CCDC91: variants seen among roughly 807,000 people sequenced by gnomAD.
CCDC91 encodes the protein coiled-coil domain-containing protein 91.
Under a neutral mutation model 63.2 loss-of-function variants are expected in CCDC91, and 48 were observed. The observed-to-expected ratio is 0.76, with a 90% confidence interval of 0.60 to 0.97. The LOEUF is 0.97. Ranked by LOEUF, CCDC91 falls within the 50% of genes least tolerant of loss-of-function variation. CCDC91 has a pLI of 0.00. For synonymous variants in CCDC91, 167 were observed against 165.8 expected (o/e 1.01, Z -0.06); for missense variants, 500 against 494.6 (o/e 1.01, Z -0.10).
chr12:28,307,616 C>T (rs1219441505), intron 5 of CCDC91, 29 bp from the exon 6 acceptor site: 1 of 1,165,404 alleles, frequency 8.6e-7, no homozygotes, highest in South Asian at 1.4e-5. Flanking sequence ...TTAAATATTA[C>T]AAAGCTTGTA....
rs1225529552 is a variant in CCDC91, at chr12:28,391,809, T to C, written c.762+398T>C. 4.6e-5 allele frequency among the ~76,000 whole-genome samples: 7 copies of C among 152,328 alleles called. No homozygotes were observed. The South Asian group carries it at 1.4e-3, about 32-fold the overall frequency. On this transcript the variant is annotated intron_variant, in intron 8 of 12. Transcript: ENST00000536442. Reference sequence around the variant, plus strand: ...CATTCTGTACAGGCATTGGCTTCTATTTGAGTTTTTCTATTCAAATTTTTT... The same window carrying C: ...CATTCTGTACAGGCATTGGCTTCTACTTGAGTTTTTCTATTCAAATTTTTT...
Position 28,306,922 on chromosome 12 carries a change from G to A in CCDC91, c.448G>A (p.Glu150Lys), listed in dbSNP as rs982715481. 1 of 1,607,710 alleles carries A rather than the reference G, an allele frequency of 6.2e-7. No individual in the cohort carries two copies. Among genetic ancestry groups the A allele is most frequent in the South Asian group, 1.1e-5 (1 of 90,668 alleles). ...GGAGATTAAACTCAAAGTATCTGAA[G>A]AAGAAAAACAGAGAATTAAACAGGT... ...SLEIKLKVSE[E>K]EKQRIKQDVE... The change falls in exon 5 of 13, where the codon GAA (glutamate) becomes AAA (lysine). Residue 150 changes from glutamate to lysine, a missense_variant. Coordinates refer to ENST00000536442, the MANE Select transcript of CCDC91 (RefSeq NM_018318.5).
rs1946686687 is a variant in CCDC91 at position 28,259,545 on chromosome 12, A to G, written c.109+103A>G. 3 of 695,300 alleles carry G rather than the reference A, an allele frequency of 4.3e-6. No individual in the cohort carries two copies. In the South Asian group the frequency reaches 5.2e-5, roughly 12 times the overall value. The allele number at this position is 695,300 out of a possible 1,614,324, so 43.1% of individuals were successfully genotyped here. ...TTCTCAACTTTTTTACTTGTCCTTCACTGATCTGAAAAATGGAGTGATCCA... is the reference window on the plus strand; with the variant it reads ...TTCTCAACTTTTTTACTTGTCCTTCGCTGATCTGAAAAATGGAGTGATCCA... On this transcript the variant is annotated intron_variant, in intron 3 of 12. Coordinates refer to ENST00000536442, the MANE Select transcript of CCDC91 (RefSeq NM_018318.5).
intron 7 of CCDC91, among the ~76,000 whole-genome samples, chr12:28,364,470 C>G (rs1398923352): frequency 6.6e-6 from 1 of 151,830 alleles, no homozygotes; most frequent in Non-Finnish European, 1.5e-5. Flanking sequence ...AATATTTTTT[C>G]TGTTAATGTA....
chr12:28,334,549 G>T (rs2137770042), intron 6 of CCDC91, among the ~76,000 whole-genome samples: 1 of 152,260 alleles, frequency 6.6e-6, no homozygotes, highest in South Asian at 2.1e-4. Flanking sequence ...TGTTGGAATT[G>T]CTCAAAGAAG....
chr12:28,389,637 A>T (rs1030611418), intron 7 of CCDC91, among the ~76,000 whole-genome samples: 7 of 152,084 alleles, frequency 4.6e-5, no homozygotes, highest in African/African-American at 9.7e-5. Context: ...TAAAAATTGC[A>T]GTTGAATATT....
At position 28,503,864 on chromosome 12, in the gene CCDC91, TCATA is replaced by T. The variant is rs1264884057; in HGVS notation, c.1215+19700_1215+19703del. Among the ~76,000 whole-genome samples, 6 of 151,410 alleles carry T rather than the reference TCATA, an allele frequency of 4.0e-5. No homozygotes were observed. In the Middle Eastern group the frequency reaches 0.01, roughly 258 times the overall value. On this transcript the variant is annotated intron_variant, in intron 12 of 12. Transcript: ENST00000536442. The stretch of plus-strand genomic sequence containing the variant: ...AAAACCAAACACCACATGTTCTCAC[TCATA>T]GGTAGGAATTGAACAATGAGAACAC...
intron 6 of CCDC91, among the ~76,000 whole-genome samples, chr12:28,351,910 A>G (rs571759494): frequency 6.6e-6 from 1 of 152,276 alleles, no homozygotes; most frequent in East Asian, 1.9e-4. Context: ...AAGGGGATTC[A>G]TGCTATTAGA....
chr12:28,371,284 C>T (rs1304523591), intron 7 of CCDC91, among the ~76,000 whole-genome samples: 1 of 152,052 alleles, frequency 6.6e-6, no homozygotes, highest in Non-Finnish European at 1.5e-5. Flanking sequence ...AGATCAGTGG[C>T]ATTATATTCT....
At chr12:28,513,392 A>G (rs184421401) in intron 12 of CCDC91, among the ~76,000 whole-genome samples, 5 of 151,986 alleles carry the variant, frequency 3.3e-5, no homozygotes, top group East Asian at 1.9e-4. Context: ...AGAATCCCCA[A>G]TCTGAAAATT....
In CCDC91 at chr12:28,245,701, T is replaced by C. The variant is rs548411661; in HGVS notation, c.-14-11501T>C. On this transcript the variant is annotated intron_variant, in intron 1 of 12. Transcript: ENST00000536442. ...TTCACAAAGGAGGAACCACATATCA[T>C]TGATAATCATATGAAGAAATTTTAA... is the stretch of plus-strand genomic sequence containing the variant. Among the ~76,000 whole-genome samples, 12 of 152,276 alleles carry C rather than the reference T, an allele frequency of 7.9e-5. No homozygotes were observed. The East Asian group carries it at 9.6e-4, about 12-fold the overall frequency.
rs117862406 is a variant in CCDC91 at position 28,366,549 on chromosome 12, T to C, written c.654+4034T>C. Among the ~76,000 whole-genome samples, 449 of 152,318 alleles carry C rather than the reference T, an allele frequency of 2.9e-3. 2 individuals are homozygous for C. The highest frequency in any genetic ancestry group is 5.2e-3 in the Non-Finnish European group (353 of 68,030). On this transcript the variant is annotated intron_variant, in intron 7 of 12. Transcript: ENST00000536442. ...ATGAGGAACTCTTCTATCTCCTCAC[T>C]GGGGTGGTGTTAATGAAGGTGAGGC...
chr12:28,362,537 CT>C, intron 7 of CCDC91, 22 bp downstream of exon 7: 1 of 1,482,734 alleles, frequency 6.7e-7, no homozygotes, highest in Non-Finnish European at 9.1e-7. Context: ...AGAGTGTTTA[CT>C]TTTTTAAACC....
intron 12 of CCDC91, among the ~76,000 whole-genome samples, chr12:28,524,175 G>T (rs1273278249): frequency 6.6e-6 from 1 of 152,224 alleles, no homozygotes; most frequent in African/African-American, 2.4e-5. Context: ...GAGGAGTAGT[G>T]AGAGTGGGCA....
intron 12 of CCDC91, among the ~76,000 whole-genome samples, chr12:28,485,067 T>C (rs1367926754): frequency 6.6e-6 from 1 of 151,638 alleles, no homozygotes; most frequent in African/African-American, 2.4e-5. Flanking sequence ...AATGGCAAAA[T>C]AAATAGAAAA....
chr12:28,274,449 G>T (rs1223858809), intron 3 of CCDC91, among the ~76,000 whole-genome samples: 3 of 152,124 alleles, frequency 2.0e-5, no homozygotes, highest in East Asian at 1.9e-4. Flanking sequence ...CCATTTTCAC[G>T]ATATTGATTC....
chr12:28,419,621 A>G (rs1420454971), intron 8 of CCDC91, among the ~76,000 whole-genome samples: 1 of 152,188 alleles, frequency 6.6e-6, no homozygotes, highest in East Asian at 1.9e-4. Context: ...GATATTGGTC[A>G]ATCAGTAATA....
intron 8 of CCDC91, among the ~76,000 whole-genome samples, chr12:28,427,837 A>G (rs982140902): frequency 2.0e-5 from 3 of 152,172 alleles, no homozygotes; most frequent in Non-Finnish European, 2.9e-5. Context: ...ACTAGAAAAT[A>G]TATCTAAATA....
intron 3 of CCDC91, among the ~76,000 whole-genome samples, chr12:28,272,902 A>C (rs898093038): frequency 6.6e-6 from 1 of 151,968 alleles, no homozygotes; most frequent in African/African-American, 2.4e-5. Flanking sequence ...GGTTAGTTAC[A>C]TATGTATACA....
Sources: gnomAD v4.1 joint callset for allele counts (sites outside exome capture counted in the v4.1 genomes callset) on GRCh38, gnomAD v4.1.1 for gene constraint, MANE v1.5 for transcripts, NCBI Gene and HGNC (gene_info 2026-07-23, HGNC 2026-07-21) for gene names.